MTUS2: variants seen among roughly 807,000 people sequenced by gnomAD.
MTUS2 encodes the protein microtubule-associated tumor suppressor candidate 2.
MTUS2 carries 40 observed loss-of-function variants against 114.1 expected under a neutral mutation model. That is an observed-to-expected ratio of 0.35 (90% confidence interval 0.27 to 0.46). The LOEUF (loss-of-function observed/expected upper bound fraction) is 0.46. MTUS2 is among the 20% of genes least tolerant of loss of function. MTUS2 has a pLI of 1.00. For synonymous variants in MTUS2, 688 were observed against 672.0 expected, an observed-to-expected ratio of 1.02 and a Z score of -0.37; for missense variants, 1,679 against 1,705.4, an observed-to-expected ratio of 0.98 and a Z score of 0.27.
rs558138683 is a variant in MTUS2, at chr13:28,920,047, T to G, written c.-243+80197T>G. 2.0e-5 allele frequency among the ~76,000 whole-genome samples: 3 copies of G among 152,364 alleles called. No individual in the cohort carries two copies. In the East Asian group the frequency reaches 5.8e-4, roughly 29 times the overall value. ...ATCTGTCTGAAAGGTCACATATCTC[T>G]GTTTCTCCAGGATTGGTCCCTGATG... On this transcript the variant is annotated intron_variant, in intron 2 of 15. Coordinates refer to ENST00000612955, the MANE Select transcript of MTUS2 (RefSeq NM_001033602.4).
chr13:28,963,552 C>T (rs1306910174), intron 2 of MTUS2, among the ~76,000 whole-genome samples: 1 of 152,162 alleles, frequency 6.6e-6, no homozygotes, highest in African/African-American at 2.4e-5. Flanking sequence ...TAGTGTATCT[C>T]TGTGTATGTG....
intron 5 of MTUS2, among the ~76,000 whole-genome samples, chr13:29,242,156 T>C (rs1896756621): frequency 6.6e-6 from 1 of 152,228 alleles, no homozygotes; most frequent in Non-Finnish European, 1.5e-5. Flanking sequence ...TTTTTGTCAA[T>C]TTACTGAGTG....
At chr13:28,995,884 T>A (rs1885079485) in intron 2 of MTUS2, among the ~76,000 whole-genome samples, 1 of 152,174 alleles carries the variant, frequency 6.6e-6, no homozygotes, top group Non-Finnish European at 1.5e-5. Flanking sequence ...TGAATACCCT[T>A]TATTTCCTTC....
At chr13:29,188,335 G>T (rs910000914) in intron 5 of MTUS2, among the ~76,000 whole-genome samples, 3 of 152,102 alleles carry the variant, frequency 2.0e-5, no homozygotes, top group Non-Finnish European at 4.4e-5. Flanking sequence ...TATACTATTT[G>T]GGAAGATATA....
At chr13:29,228,486 A>G (rs1896198953) in intron 5 of MTUS2, among the ~76,000 whole-genome samples, 1 of 151,716 alleles carries the variant, frequency 6.6e-6, no homozygotes, top group Non-Finnish European at 1.5e-5. Context: ...ACACCTGGCT[A>G]TTTTTTTTGT....
rs1048039993 is a variant in MTUS2 at position 29,207,096 on chromosome 13, A to G, written c.2645-74608A>G. Among the ~76,000 whole-genome samples, 6 of 151,732 alleles carry G rather than the reference A, an allele frequency of 4.0e-5. No individual in the cohort carries two copies. In the East Asian group the frequency reaches 7.7e-4, roughly 20 times the overall value. Reference sequence around the variant, plus strand: ...CTGTGATTTTTTTCGGCAGTGTTTTATAGTTTTCTTTGTAGAGGTCTTTCA... The same window carrying G: ...CTGTGATTTTTTTCGGCAGTGTTTTGTAGTTTTCTTTGTAGAGGTCTTTCA... On this transcript the variant is annotated intron_variant, in intron 5 of 15. Transcript: ENST00000612955.
intron 7 of MTUS2, among the ~76,000 whole-genome samples, chr13:29,351,971 T>A (rs1467477190): frequency 1.3e-5 from 2 of 152,130 alleles, no homozygotes; most frequent in African/African-American, 4.8e-5. Flanking sequence ...CATTTTACAT[T>A]ATTGATTACT....
At chr13:29,258,994 T>G (rs1487589529) in intron 5 of MTUS2, among the ~76,000 whole-genome samples, 1 of 152,246 alleles carries the variant, frequency 6.6e-6, no homozygotes, top group Non-Finnish European at 1.5e-5. Context: ...TTGATTAAAG[T>G]GCTTCAGCAT....
intron 8 of MTUS2, among the ~76,000 whole-genome samples, chr13:29,420,238 ACTTTCTTT>A (rs371996946): frequency 0.011 from 1,584 of 149,126 alleles, 27 homozygotes; most frequent in African/African-American, 0.037. Context: ...TCCTTAACTT[ACTTTCTTT>A]CTTTCTTTCT....
intron 5 of MTUS2, among the ~76,000 whole-genome samples, chr13:29,115,746 C>G (rs1345301722): frequency 1.3e-5 from 2 of 152,182 alleles, no homozygotes; most frequent in Non-Finnish European, 2.9e-5. Flanking sequence ...CCACTGGGCC[C>G]TCTTAAAACT....
At chr13:28,990,759 C>G (rs755193108) in intron 2 of MTUS2, among the ~76,000 whole-genome samples, 14 of 152,210 alleles carry the variant, frequency 9.2e-5, no homozygotes, top group Non-Finnish European at 2.1e-4. Context: ...CCACTTGGGT[C>G]CCCTTCCAGG....
intron 2 of MTUS2, among the ~76,000 whole-genome samples, chr13:28,911,678 C>G (rs1693750170): frequency 6.6e-6 from 1 of 151,922 alleles, no homozygotes. Flanking sequence ...TGTTTCTTGA[C>G]TTTTTAATAA....
At chr13:29,058,698 T>C (rs959220200) in intron 4 of MTUS2, among the ~76,000 whole-genome samples, 4 of 148,120 alleles carry the variant, frequency 2.7e-5, no homozygotes, top group African/African-American at 1.0e-4. Context: ...TATCTCCAAA[T>C]GCTATCCCTC....
At chr13:29,218,150 C>CAAAA (rs111986106) in intron 5 of MTUS2, among the ~76,000 whole-genome samples, 7 of 145,514 alleles carry the variant, frequency 4.8e-5, no homozygotes, top group African/African-American at 1.5e-4. Flanking sequence ...CAAAACAAAA[C>CAAAA]AAAAAAAAAA....
At chr13:29,047,589 C>T (rs9579273) in intron 4 of MTUS2, among the ~76,000 whole-genome samples, 10,931 of 150,646 alleles carry the variant, frequency 0.073, 527 homozygotes, top group Non-Finnish European at 0.1. Context: ...TCTCGGCTCA[C>T]TGCAAGCTCT....
intron 9 of MTUS2, among the ~76,000 whole-genome samples, chr13:29,465,832 G>A (rs774080300): frequency 1.4e-4 from 21 of 152,228 alleles, no homozygotes; most frequent in Non-Finnish European, 2.5e-4. Context: ...CTAGTTAAAG[G>A]TCGCTTCTCT....
At chr13:28,908,762 C>T (rs1170171891) in intron 2 of MTUS2, among the ~76,000 whole-genome samples, 1 of 151,528 alleles carries the variant, frequency 6.6e-6, no homozygotes, top group East Asian at 1.9e-4. Flanking sequence ...TGAGTCCTTG[C>T]CCATGCCTAT....
intron 2 of MTUS2, among the ~76,000 whole-genome samples, chr13:28,879,459 G>GC (rs1491166090): frequency 6.6e-6 from 1 of 151,830 alleles, no homozygotes; most frequent in Non-Finnish European, 1.5e-5. Flanking sequence ...AGGGCCTGGT[G>GC]GGGGGGCTCC....
Position 29,435,606 on chromosome 13 carries a change from G to A in MTUS2, c.3118-4377G>A, listed in dbSNP as rs1293161389. Among the ~76,000 whole-genome samples, 8 of 152,314 alleles carry A rather than the reference G, an allele frequency of 5.3e-5. No homozygotes were observed. The South Asian group carries it at 6.2e-4, about 12-fold the overall frequency. ...TGGAGGAATAACTTTTTGAGGCAAAGAGCAGTAAATGGAAGATTCCTTTAA... is the reference window on the plus strand; with the variant it reads ...TGGAGGAATAACTTTTTGAGGCAAAAAGCAGTAAATGGAAGATTCCTTTAA... On this transcript the variant is annotated intron_variant, in intron 8 of 15. Coordinates refer to ENST00000612955, the MANE Select transcript of MTUS2 (RefSeq NM_001033602.4).
Sources: allele counts gnomAD v4.1 joint callset (sites outside exome capture counted in the v4.1 genomes callset), GRCh38; gene constraint gnomAD v4.1.1; transcripts MANE v1.5; gene names NCBI Gene and HGNC (gene_info 2026-07-23, HGNC 2026-07-21).